BORCS8: variants seen among roughly 807,000 people sequenced by gnomAD.
The protein encoded by BORCS8 is BLOC-1 related complex subunit 8, also known as BLOC-1-related complex subunit 8.
A neutral mutation model predicts 18.7 loss-of-function variants in BORCS8; 13 were observed. That is an observed-to-expected ratio of 0.70 (90% CI 0.45 to 1.11). The LOEUF (loss-of-function observed/expected upper bound fraction) is 1.11, where lower values mean the gene tolerates loss of function less well. BORCS8 is among the 50% of genes least tolerant of loss of function. The pLI is 0.00. For missense variants in BORCS8, 165 were observed against 165.7 expected, an observed-to-expected ratio of 1.00 and a Z score of 0.02; for synonymous variants, 68 against 64.8, an observed-to-expected ratio of 1.05 and a Z score of -0.24.
intron 3 of BORCS8, among the ~76,000 whole-genome samples, chr19:19,183,096 C>T (rs1352145870): frequency 1.3e-5 from 2 of 152,080 alleles, no homozygotes; most frequent in Non-Finnish European, 2.9e-5. Context: ...GGCAACACAG[C>T]GAGACCCCAT....
At chr19:19,184,300 CCTTTCTTTTTTTTTTTTTTTTTT>C (rs1303624042) in intron 3 of BORCS8, among the ~76,000 whole-genome samples, 2 of 120,650 alleles carry the variant, frequency 1.7e-5, no homozygotes, top group African/African-American at 5.7e-5. Flanking sequence ...TTTTTTTTTT[CCTTTCTTTTTTTTTTTTTTTTTT>C]GAGACGGAGT....
chr19:19,180,892 T>A, intron 4 of BORCS8, 131 bp from the exon 5 acceptor site: 1 of 961,732 alleles, frequency 1.0e-6, no homozygotes, highest in Non-Finnish European at 1.5e-6. Context: ...TGGGGCATCC[T>A]GCTTAAAAGT....
At chr19:19,190,971 C>T (rs932145626) in intron 1 of BORCS8, among the ~76,000 whole-genome samples, 7 of 152,136 alleles carry the variant, frequency 4.6e-5, no homozygotes, top group African/African-American at 1.4e-4. Context: ...CTGCCCTACA[C>T]GAAGCACTTC....
rs1004821232 is a variant in BORCS8 at position 19,186,913 on chromosome 19, G to A, written c.130C>T (p.Pro44Ser). ...CTCACCTTGTGCTGGGCCAGCTCGG[G>A]GAGGGAGCGACGCACATGCTCCTGC... ...RLQEHVRRSL[P>S]ELAQHKADMQ... Residue 44 changes from proline (P) to serine (S), a missense_variant, in exon 2 of 6, where the codon CCC becomes TCC. Coordinates refer to ENST00000462790, the MANE Select transcript of BORCS8 (RefSeq NM_001145784.2). The A allele has an allele frequency of 4.5e-6, 7 of 1,550,326 alleles. No homozygotes were observed. Among genetic ancestry groups the A allele is most frequent in the Non-Finnish European group, 6.1e-6 (7 of 1,146,662 alleles).
chr19:19,182,912 G>A lies in BORCS8; in HGVS notation c.216-229C>T, dbSNP rs2060363441. Reference sequence around the variant, plus strand: ...GAAACATCTAATGTTTTGAAGGAGGGATCAGTGTATAAAGATGTCATAAAA... The same window carrying A: ...GAAACATCTAATGTTTTGAAGGAGGAATCAGTGTATAAAGATGTCATAAAA... On this transcript the variant is annotated intron_variant, in intron 3 of 5. Coordinates refer to ENST00000462790, the MANE Select transcript of BORCS8 (RefSeq NM_001145784.2). This position sits in a 1 kb window ranked among gnomAD's most constrained non-coding sequence, Gnocchi z 4.1. Among the ~76,000 whole-genome samples, 1 of 152,192 alleles carries A rather than the reference G, an allele frequency of 6.6e-6. No individual in the cohort carries two copies. The highest frequency in any genetic ancestry group is 1.5e-5 in the Non-Finnish European group (1 of 68,032).
In BORCS8 at chr19:19,182,049, C is replaced by T; in HGVS notation, c.326+524G>A. The T allele has an allele frequency of 1.0e-6, 1 of 985,342 alleles. No homozygotes were observed. Among genetic ancestry groups the T allele is most frequent in the Non-Finnish European group, 1.2e-6 (1 of 829,890 alleles). The allele number at this position is 985,342 out of a possible 1,614,324, so 61.0% of individuals were successfully genotyped here. A position where few individuals can be genotyped will look rare whatever the true frequency, so the allele number is the denominator to read the frequency against. On this transcript the variant is annotated intron_variant, in intron 4 of 5. Coordinates refer to ENST00000462790, the MANE Select transcript of BORCS8 (RefSeq NM_001145784.2). The surrounding 1 kb of genome is among the most constrained non-coding windows in gnomAD (Gnocchi z 4.1). ...CTCTGGGTCCTGGGACAGGGAGAGG[C>T]CCCTGCCATCTCCCTGGCCCCATCT...
At chr19:19,187,215 G>A (rs923743046) in intron 1 of BORCS8, among the ~76,000 whole-genome samples, 14 of 152,150 alleles carry the variant, frequency 9.2e-5, no homozygotes, top group Admixed American at 8.5e-4. Context: ...GGTGGCTCAC[G>A]CCTGTAATCC....
chr19:19,180,946 G>A (rs368520892), intron 4 of BORCS8, among the ~76,000 whole-genome samples, 185 bp from the exon 5 acceptor site: 2 of 152,220 alleles, frequency 1.3e-5, no homozygotes, highest in East Asian at 3.8e-4. Context: ...TGTAATCCCA[G>A]CACTTTGGGA....
intron 1 of BORCS8, among the ~76,000 whole-genome samples, chr19:19,190,384 A>G (rs1181230277): frequency 6.6e-6 from 1 of 152,254 alleles, no homozygotes; most frequent in Non-Finnish European, 1.5e-5. Flanking sequence ...TGGGAGTCAA[A>G]GGAGGCTAAC....
At position 19,185,941 on chromosome 19, in the gene BORCS8, G is replaced by A. The variant is rs1040710321; in HGVS notation, c.215+93C>T. 6.1e-6 allele frequency: 8 copies of A among 1,309,578 alleles called. No homozygotes were observed. In the African/African-American group the frequency reaches 7.3e-5, roughly 12 times the overall value. 81.1% of individuals were successfully genotyped at this position (1,309,578 alleles called of 1,614,324 possible). ...CACTCGGGTAGGCCTGGCAGGGTGG[G>A]GCTTACTGGGCAGTTGGCTGGGATG... On this transcript the variant is annotated intron_variant, in intron 3 of 5. Coordinates refer to ENST00000462790, the MANE Select transcript of BORCS8 (RefSeq NM_001145784.2).
At chr19:19,183,303 G>A (rs1002715598) in intron 3 of BORCS8, among the ~76,000 whole-genome samples, 35 of 151,992 alleles carry the variant, frequency 2.3e-4, no homozygotes, top group African/African-American at 8.0e-4. Context: ...CCAGCTACTC[G>A]GGAGGCTGAG....
intron 3 of BORCS8, among the ~76,000 whole-genome samples, chr19:19,185,127 G>A (rs1407653081): frequency 6.6e-6 from 1 of 152,208 alleles, no homozygotes; most frequent in Non-Finnish European, 1.5e-5. Context: ...GCTGCCAATG[G>A]CAGAATACTG....
chr19:19,181,789 T>C, intron 4 of BORCS8: 1 of 880,524 alleles, frequency 1.1e-6, no homozygotes, highest in South Asian at 5.2e-5. Flanking sequence ...TTCTTTCTTT[T>C]GCCCAGTGGG....
intron 2 of BORCS8, 42 bp from the exon 3 acceptor site, chr19:19,186,140 CCACCTAGAGGG>C (rs1210287844): frequency 1.3e-6 from 2 of 1,538,960 alleles, no homozygotes; most frequent in Non-Finnish European, 1.8e-6. Context: ...GAGGCCACCC[CCACCTAGAGGG>C]CCTTCCTCCC....
chr19:19,185,785 T>A (rs1040858950), intron 3 of BORCS8, among the ~76,000 whole-genome samples: 4 of 152,164 alleles, frequency 2.6e-5, no homozygotes, highest in Admixed American at 6.5e-5. Context: ...GGGAGAGAAA[T>A]GCTGGTCCCC....
chr19:19,180,765 CA>C lies in BORCS8; in HGVS notation c.327-5del. 1 of 1,546,604 alleles carries C rather than the reference CA, an allele frequency of 6.5e-7. No individual in the cohort carries two copies. Among genetic ancestry groups the C allele is most frequent in the Non-Finnish European group, 8.7e-7 (1 of 1,144,760 alleles). Reference sequence around the variant, plus strand: ...GGGCGGGGGTGGTTCCTCCGGGCTGCAACAAAACATGTGCAGCATCCATGAG... The same window carrying C: ...GGGCGGGGGTGGTTCCTCCGGGCTGCACAAAACATGTGCAGCATCCATGAG... On this transcript the variant is annotated splice_region_variant and splice_polypyrimidine_tract_variant and intron_variant, in intron 4 of 5. Coordinates refer to ENST00000462790, the MANE Select transcript of BORCS8 (RefSeq NM_001145784.2).
At chr19:19,186,856 T>C in intron 2 of BORCS8, 37 bp downstream of exon 2, 1 of 1,439,412 alleles carries the variant, frequency 6.9e-7, no homozygotes, top group Non-Finnish European at 9.3e-7. Flanking sequence ...ACTCCTGCCC[T>C]GACAGCCCCT....
intron 1 of BORCS8, among the ~76,000 whole-genome samples, chr19:19,187,903 G>A (rs982445053): frequency 1.3e-5 from 2 of 151,766 alleles, no homozygotes; most frequent in Non-Finnish European, 2.9e-5. Context: ...GTGCAGTGGT[G>A]TGATCACAGC....
At chr19:19,186,013 C>T (rs1240691853) in intron 3 of BORCS8, 21 bp downstream of exon 3, 12 of 1,549,166 alleles carry the variant, frequency 7.7e-6, no homozygotes, top group African/African-American at 1.4e-5. Context: ...GGCCCTGCAG[C>T]GGGGAGGCTG....
Sources: gnomAD v4.1 joint callset for allele counts (sites outside exome capture counted in the v4.1 genomes callset) on GRCh38, gnomAD v4.1.1 for gene constraint, Gnocchi (gnomAD v3.1) non-coding constraint, MANE v1.5 for transcripts, NCBI Gene and HGNC (gene_info 2026-07-23, HGNC 2026-07-21) for gene names.